DYSF: variants seen among roughly 807,000 people sequenced by gnomAD.
DYSF encodes dysferlin, also known as dystrophy-associated fer-1-like 1.
A neutral mutation model predicts 274.9 loss-of-function variants in DYSF; 212 were observed. That is an observed-to-expected ratio of 0.77 (90% CI 0.69 to 0.86). DYSF has a LOEUF of 0.86. DYSF is among the 40% of genes least tolerant of loss of function. The pLI, the probability that DYSF is intolerant of heterozygous loss-of-function variation, is 0.00. For synonymous variants in DYSF, 1,091 were observed against 1,078.7 expected (o/e 1.01, Z -0.22); for missense variants, 2,666 against 2,783.2 (o/e 0.96, Z 0.95).
chr2:71,675,161 G>A (rs191788837), intron 52 of DYSF, among the ~76,000 whole-genome samples: 252 of 152,212 alleles, frequency 1.7e-3, no homozygotes, highest in African/African-American at 6.0e-3. Flanking sequence ...AGGGGGGATG[G>A]GGAGTGACTG....
At chr2:71,550,663 A>G (rs2152786268) in intron 17 of DYSF, among the ~76,000 whole-genome samples, 1 of 152,320 alleles carries the variant, frequency 6.6e-6, no homozygotes, top group Non-Finnish European at 1.5e-5. Context: ...GGGGAGGGGC[A>G]CGAGCAGTGG....
At chr2:71,602,638 G>A in intron 35 of DYSF, 138 bp from the exon 36 acceptor site, 1 of 829,274 alleles carries the variant, frequency 1.2e-6, no homozygotes, top group Non-Finnish European at 2.0e-6. Flanking sequence ...GGTTTCTGTT[G>A]GCTCCTCTTA....
chr2:71,496,926 G>A (rs547788383), intron 3 of DYSF, among the ~76,000 whole-genome samples: 1 of 152,306 alleles, frequency 6.6e-6, no homozygotes, highest in African/African-American at 2.4e-5. Flanking sequence ...GGGCCTCTAA[G>A]ATGGCACAGG....
chr2:71,498,759 A>T (rs2084673594), intron 3 of DYSF, among the ~76,000 whole-genome samples: 1 of 152,222 alleles, frequency 6.6e-6, no homozygotes, highest in South Asian at 2.1e-4. Context: ...CCCAGGAATG[A>T]ATAAGGGCAT....
intron 1 of DYSF, among the ~76,000 whole-genome samples, chr2:71,478,009 A>G (rs2082531569): frequency 1.3e-5 from 2 of 151,838 alleles, no homozygotes; most frequent in Non-Finnish European, 2.9e-5. Context: ...GCAAAAATCT[A>G]AAAGTGTCAC....
In DYSF at chr2:71,553,862, A is replaced by T; in HGVS notation, c.2040A>T (p.Ser680=). The change falls in exon 21 of 56, where the codon TCA becomes TCT. Residue 680 remains serine (S), a synonymous_variant. Transcript: ENST00000410020. ...ACGTGAAACCTGTGGTGGTGCTGTC[A>T]TCCTACTGGGAGGACATCAGCCATA... ...WGNVKPVVVL[S]SYWEDISHRI... 1 of 1,613,134 alleles carries T rather than the reference A, an allele frequency of 6.2e-7. No individual in the cohort carries two copies. The highest frequency in any genetic ancestry group is 1.3e-5 in the African/African-American group (1 of 74,778).
chr2:71,621,978 G>C (rs759177721), intron 41 of DYSF, among the ~76,000 whole-genome samples: 1 of 152,108 alleles, frequency 6.6e-6, no homozygotes, highest in Non-Finnish European at 1.5e-5. Flanking sequence ...ATTCTTTAAA[G>C]ATATGACTGC....
At chr2:71,455,273 C>T (rs189501752) in intron 1 of DYSF, among the ~76,000 whole-genome samples, 2 of 152,328 alleles carry the variant, frequency 1.3e-5, no homozygotes, top group East Asian at 3.9e-4. Flanking sequence ...TCATGAGTAC[C>T]TTCTCTTGGG....
intron 19 of DYSF, among the ~76,000 whole-genome samples, chr2:71,552,313 G>A (rs1045956467): frequency 2.0e-5 from 3 of 152,146 alleles, no homozygotes; most frequent in Admixed American, 6.5e-5. Flanking sequence ...TTCCCTATCT[G>A]GAAAGTGGGG....
At chr2:71,546,903 G>C (rs781114171) in intron 17 of DYSF, among the ~76,000 whole-genome samples, 1 of 152,234 alleles carries the variant, frequency 6.6e-6, no homozygotes, top group Non-Finnish European at 1.5e-5. Flanking sequence ...CTTCATGCAT[G>C]TTCCGGGGAC....
intron 4 of DYSF, among the ~76,000 whole-genome samples, chr2:71,508,170 C>T (rs368769099): frequency 7.9e-5 from 12 of 152,188 alleles, no homozygotes; most frequent in African/African-American, 2.7e-4. Flanking sequence ...AAGATCTAGA[C>T]AAAAGTTGCC....
At chr2:71,476,943 A>G (rs931902110) in intron 1 of DYSF, among the ~76,000 whole-genome samples, 1 of 151,848 alleles carries the variant, frequency 6.6e-6, no homozygotes, top group African/African-American at 2.4e-5. Flanking sequence ...TGAGCCTGCC[A>G]TTTCAAGGAA....
chr2:71,608,776 T>C (rs902105618), intron 36 of DYSF, among the ~76,000 whole-genome samples: 2 of 152,116 alleles, frequency 1.3e-5, no homozygotes, highest in African/African-American at 4.8e-5. Flanking sequence ...AGGGATAAAG[T>C]GGATACTGCC....
chr2:71,543,742 A>G (rs1449771823), intron 17 of DYSF, among the ~76,000 whole-genome samples: 2 of 152,320 alleles, frequency 1.3e-5, no homozygotes, highest in South Asian at 2.1e-4. Flanking sequence ...CGCGCCTGCA[A>G]TCGCAGGCAC....
chr2:71,676,257 A>G (rs569961800), intron 52 of DYSF, among the ~76,000 whole-genome samples: 3 of 152,208 alleles, frequency 2.0e-5, no homozygotes, highest in East Asian at 3.9e-4. Context: ...TTACTTGTTT[A>G]TACTCCCACC....
At chr2:71,586,290 G>C (rs1323594582) in intron 30 of DYSF, among the ~76,000 whole-genome samples, 2 of 152,234 alleles carry the variant, frequency 1.3e-5, no homozygotes, top group East Asian at 3.9e-4. Context: ...CCTGGCTCTG[G>C]GGGGTGTGTC....
chr2:71,543,858 G>C (rs1488270850), intron 17 of DYSF, among the ~76,000 whole-genome samples: 1 of 143,924 alleles, frequency 6.9e-6, no homozygotes, highest in Non-Finnish European at 1.5e-5. Context: ...CGTGGAAAGA[G>C]AGGGAGAGGG....
At chr2:71,672,426 C>T (rs1271974490) in intron 51 of DYSF, among the ~76,000 whole-genome samples, 1 of 152,196 alleles carries the variant, frequency 6.6e-6, no homozygotes, top group East Asian at 1.9e-4. Context: ...GGCAGGCCCT[C>T]CAGGGACCCC....
At chr2:71,617,913 T>TGTGTTTGTGGTAGAG (rs1558636291) in intron 40 of DYSF, among the ~76,000 whole-genome samples, 113 of 24,204 alleles carry the variant, frequency 4.7e-3, no homozygotes, top group African/African-American at 0.012. Context: ...GTGGTAGAGG[T>TGTGTTTGTGGTAGAG]GTGTGTGTGT....
Sources: gnomAD v4.1 joint callset for allele counts (sites outside exome capture counted in the v4.1 genomes callset) on GRCh38, gnomAD v4.1.1 for gene constraint, MANE v1.5 for transcripts, NCBI Gene and HGNC (gene_info 2026-07-23, HGNC 2026-07-21) for gene names.